KIF2A: variants seen among roughly 807,000 people sequenced by gnomAD.
KIF2A encodes kinesin-like protein KIF2A.
A neutral mutation model predicts 100.2 loss-of-function variants in KIF2A; 22 were observed. The observed-to-expected ratio is 0.22, with a 90% CI of 0.16 to 0.31. KIF2A has a LOEUF of 0.31. Among genes scored for constraint, KIF2A ranks in the 10% least tolerant of loss-of-function variants. The pLI, the probability that KIF2A is intolerant of heterozygous loss-of-function variation, is 1.00. For synonymous variants in KIF2A, 268 were observed against 285.9 expected (o/e 0.94, Z 0.63); for missense variants, 495 against 898.7 (o/e 0.55, Z 5.74).
rs1369585656 is a variant in KIF2A at position 62,352,573 on chromosome 5, T to TC, written c.335-15_335-14insC. 6.6e-7 allele frequency: 1 copy of TC among 1,507,498 alleles called. No individual in the cohort carries two copies. Among genetic ancestry groups the TC allele is most frequent in the Non-Finnish European group, 8.8e-7 (1 of 1,131,422 alleles). The allele number at this position is 1,507,498 out of a possible 1,614,324, so 93.4% of individuals were successfully genotyped here. ...TTTCTATCCTGAATTTAAAATTTTT[T>TC]TTTTTTACTTACAGTGGTTGGTTCA... On this transcript the variant is annotated splice_polypyrimidine_tract_variant and intron_variant, in intron 4 of 20. Transcript: ENST00000407818.
chr5:62,327,014 G>A (rs1337977041), intron 1 of KIF2A, among the ~76,000 whole-genome samples: 2 of 152,122 alleles, frequency 1.3e-5, no homozygotes, highest in Non-Finnish European at 2.9e-5. Context: ...CATTGCTCCT[G>A]TTTTACTTGA....
chr5:62,361,759 T>C lies in KIF2A; in HGVS notation c.1027+230T>C, dbSNP rs247268. 0.49 allele frequency among the ~76,000 whole-genome samples: 73,368 copies of C among 150,792 alleles called. 18,799 individuals carry two copies. The highest frequency in any genetic ancestry group is 0.64 in the African/African-American group (26,249 of 41,022). On this transcript the variant is annotated intron_variant, in intron 11 of 20. Transcript: ENST00000407818. ...ACTGTAGGCTGGGTGTGGTGGTTCA[T>C]GCCTGTAATCCCTGCACTTTGGGAG...
chr5:62,371,254 AAAAAGG>A (rs993676878), intron 16 of KIF2A, among the ~76,000 whole-genome samples: 36 of 152,266 alleles, frequency 2.4e-4, no homozygotes, highest in Middle Eastern at 6.8e-3. Context: ...ACCTTATCTC[AAAAAGG>A]AAAAAAAACA....
intron 1 of KIF2A, chr5:62,308,368 C>A: frequency 1.3e-6 from 2 of 1,483,158 alleles, no homozygotes; most frequent in South Asian, 1.3e-5. Flanking sequence ...TTTGAAGATT[C>A]TGGGTGCACA....
intron 16 of KIF2A, among the ~76,000 whole-genome samples, chr5:62,369,859 T>G (rs1028925412): frequency 7.9e-5 from 12 of 152,216 alleles, no homozygotes; most frequent in Non-Finnish European, 1.3e-4. Context: ...GCTTAGTGAT[T>G]GAAGTGTTAT....
chr5:62,372,251 A>G (rs777395430), intron 16 of KIF2A, among the ~76,000 whole-genome samples, 187 bp from the exon 17 acceptor site: 9 of 152,258 alleles, frequency 5.9e-5, no homozygotes, highest in Non-Finnish European at 1.3e-4. Flanking sequence ...GCAGGGGATC[A>G]ATAGAACAAA....
intron 1 of KIF2A, among the ~76,000 whole-genome samples, chr5:62,329,804 G>C (rs1474562326): frequency 6.6e-6 from 1 of 152,140 alleles, no homozygotes; most frequent in African/African-American, 2.4e-5. Context: ...TTAAAGAGGG[G>C]AATTATTTTC....
At chr5:62,342,508 C>T (rs1747347235) in intron 1 of KIF2A, among the ~76,000 whole-genome samples, 1 of 152,114 alleles carries the variant, frequency 6.6e-6, no homozygotes, top group Non-Finnish European at 1.5e-5. Flanking sequence ...CTTGAATTTC[C>T]TGGGAAATCC....
At chr5:62,359,726 A>G (rs1452195832) in intron 9 of KIF2A, among the ~76,000 whole-genome samples, 2 of 152,056 alleles carry the variant, frequency 1.3e-5, no homozygotes, top group Non-Finnish European at 2.9e-5. Context: ...CCCTATGTTT[A>G]TGTTTCTTAA....
chr5:62,337,211 GC>G (rs1464641178), intron 1 of KIF2A, among the ~76,000 whole-genome samples: 2 of 152,228 alleles, frequency 1.3e-5, no homozygotes, highest in Admixed American at 6.5e-5. Context: ...AGTATAACCA[GC>G]CGGGCACGGT....
chr5:62,329,401 CTT>C (rs940306775), intron 1 of KIF2A, among the ~76,000 whole-genome samples: 2 of 152,200 alleles, frequency 1.3e-5, no homozygotes, highest in African/African-American at 4.8e-5. Flanking sequence ...ATGAAGGACT[CTT>C]TTCCTCACTG....
chr5:62,357,352 G>A (rs1289519139), intron 7 of KIF2A, among the ~76,000 whole-genome samples: 1 of 152,082 alleles, frequency 6.6e-6, no homozygotes, highest in Non-Finnish European at 1.5e-5. Context: ...CCAAAGTGCT[G>A]GGATTATAGG....
intron 1 of KIF2A, among the ~76,000 whole-genome samples, chr5:62,321,553 TTTTGTTTG>T (rs535816258): frequency 3.9e-5 from 6 of 152,182 alleles, no homozygotes; most frequent in South Asian, 2.1e-4. Context: ...TTACCATTTG[TTTTGTTTG>T]TTTGTTTGTT....
intron 7 of KIF2A, among the ~76,000 whole-genome samples, chr5:62,356,000 C>T (rs914895205): frequency 2.6e-5 from 4 of 151,902 alleles, no homozygotes; most frequent in South Asian, 2.1e-4. Context: ...AGGCTGGTCT[C>T]GAACTCCTGA....
At chr5:62,316,617 G>T (rs369137589) in intron 1 of KIF2A, among the ~76,000 whole-genome samples, 15 of 152,308 alleles carry the variant, frequency 9.8e-5, no homozygotes, top group African/African-American at 3.6e-4. Flanking sequence ...TTCATAGAAG[G>T]TACAATACCA....
chr5:62,340,581 A>G (rs1747243544), intron 1 of KIF2A, among the ~76,000 whole-genome samples: 1 of 141,938 alleles, frequency 7.0e-6, no homozygotes, highest in Non-Finnish European at 1.6e-5. Context: ...TGAGCATCTC[A>G]TTGTTCTCCC....
intron 1 of KIF2A, among the ~76,000 whole-genome samples, chr5:62,337,281 C>G (rs867530599): frequency 6.6e-6 from 1 of 152,094 alleles, no homozygotes; most frequent in Non-Finnish European, 1.5e-5. Flanking sequence ...CACCTGAGGT[C>G]AGGAGTTCCA....
chr5:62,368,410 G>C (rs1426563704), intron 16 of KIF2A, among the ~76,000 whole-genome samples: 2 of 151,926 alleles, frequency 1.3e-5, no homozygotes, highest in African/African-American at 2.4e-5. Flanking sequence ...CTTAATGGTA[G>C]TAAACACTGT....
chr5:62,373,909 A>G (rs983078798), intron 18 of KIF2A, 72 bp downstream of exon 18: 40 of 1,211,662 alleles, frequency 3.3e-5, no homozygotes, highest in South Asian at 5.2e-5. Context: ...ACTGAAAACT[A>G]TCATTTAAAT....
Sources: gnomAD v4.1 joint callset for allele counts (sites outside exome capture counted in the v4.1 genomes callset) on GRCh38, gnomAD v4.1.1 for gene constraint, MANE v1.5 for transcripts, NCBI Gene and HGNC (gene_info 2026-07-23, HGNC 2026-07-21) for gene names.